Variants in ITGA1 observed in about 807,000 individuals in gnomAD.
ITGA1 encodes the protein integrin alpha-1.
ITGA1 carries 85 observed loss-of-function variants against 145.9 expected under a neutral mutation model. That is an observed-to-expected ratio of 0.58 (90% CI 0.49 to 0.70). ITGA1 has a LOEUF of 0.70. ITGA1 is among the 30% of genes least tolerant of loss of function. The pLI is 0.00. For synonymous variants in ITGA1, 520 were observed against 495.3 expected, an observed-to-expected ratio of 1.05 and a Z score of -0.66; for missense variants, 1,351 against 1,418.7, an observed-to-expected ratio of 0.95 and a Z score of 0.77.
chr5:52,905,863 G>A lies in ITGA1; in HGVS notation c.1410G>A (p.Met470Ile), dbSNP rs750484527. 1.2e-6 allele frequency: 2 copies of A among 1,613,402 alleles called. No homozygotes were observed. Among genetic ancestry groups the A allele is most frequent in the Admixed American group, 3.3e-5 (2 of 59,986 alleles). The change falls in exon 12 of 29, where the codon ATG (methionine) becomes ATA (isoleucine). Residue 470 changes from methionine (M) to isoleucine (I), a missense_variant. Met to Ile is a conservative substitution (Grantham distance 10). Transcript: ENST00000282588. ...NHTGQVIIYR[M>I]EDGNIKILQT... ...CAGGCCAGGTCATTATCTACAGGAT[G>A]GAAGATGGAAACATCAAAATTCTCC...
chr5:52,832,779 G>GTGTGTGTGTGTGTGTC (rs1749093308), intron 1 of ITGA1, among the ~76,000 whole-genome samples: 1 of 132,196 alleles, frequency 7.6e-6, no homozygotes, highest in African/African-American at 3.2e-5. Context: ...GTGTGTGTGT[G>GTGTGTGTGTGTGTGTC]TGTGTGTGTG....
At chr5:52,937,068 A>G (rs1263159733) in intron 23 of ITGA1, among the ~76,000 whole-genome samples, 1 of 151,894 alleles carries the variant, frequency 6.6e-6, no homozygotes, top group Non-Finnish European at 1.5e-5. Context: ...AAAAAGAAAG[A>G]AAAAGAAAAG....
In ITGA1 at chr5:52,909,044, A is replaced by G. The variant is rs1257975017; in HGVS notation, c.1599+3A>G. 1 of 1,608,394 alleles carries G rather than the reference A, an allele frequency of 6.2e-7. No homozygotes were observed. The highest frequency in any genetic ancestry group is 8.5e-7 in the Non-Finnish European group (1 of 1,178,378). On this transcript the variant is annotated splice_donor_region_variant and intron_variant, in intron 13 of 28. Transcript: ENST00000282588. The stretch of plus-strand genomic sequence containing the variant: ...TGTATGTGTATGCTCTCAATCAGGT[A>G]ATGGTGTCTGAGTTTGGTAGAAATC...
intron 15 of ITGA1, among the ~76,000 whole-genome samples, chr5:52,918,373 G>C (rs1750680193): frequency 6.6e-6 from 1 of 152,068 alleles, no homozygotes; most frequent in Non-Finnish European, 1.5e-5. Flanking sequence ...GGGGTCTACG[G>C]GCTGTTCAGG....
intron 15 of ITGA1, among the ~76,000 whole-genome samples, chr5:52,916,944 A>T (rs575173696): frequency 1.3e-5 from 2 of 152,282 alleles, no homozygotes; most frequent in South Asian, 2.1e-4. Context: ...CCTGCCCCAA[A>T]TCAAGGCATT....
intron 27 of ITGA1, among the ~76,000 whole-genome samples, chr5:52,946,987 C>T (rs1751144450): frequency 6.6e-6 from 1 of 152,160 alleles, no homozygotes; most frequent in Non-Finnish European, 1.5e-5. Flanking sequence ...TAAACTAATG[C>T]TATTGTGATA....
At chr5:52,870,693 T>C (rs1749764417) in intron 6 of ITGA1, among the ~76,000 whole-genome samples, 1 of 152,148 alleles carries the variant, frequency 6.6e-6, no homozygotes, top group Admixed American at 6.5e-5. Flanking sequence ...TTAGAATGCA[T>C]GTGTTTTCCC....
chr5:52,788,036 C>T lies in ITGA1; in HGVS notation c.-318C>T, dbSNP rs1030016729. The T allele has an allele frequency of 1.5e-5, 5 of 326,928 alleles. No individual in the cohort carries two copies. Among genetic ancestry groups the T allele is most frequent in the Non-Finnish European group, 2.2e-5 (4 of 179,150 alleles). 20.3% of individuals were successfully genotyped at this position (326,928 alleles called of 1,614,324 possible). A position where few individuals can be genotyped will look rare whatever the true frequency, so the allele number is the denominator to read the frequency against. On this transcript the variant is annotated 5_prime_UTR_variant, in exon 1 of 29. Transcript: ENST00000282588. ...CCGTGGACTTTAGCCTAAACACGGA[C>T]CCGCGAAGCTGGCTTTATTTGTCCA...
intron 2 of ITGA1, among the ~76,000 whole-genome samples, chr5:52,857,639 C>G (rs1160754862): frequency 6.6e-6 from 1 of 152,106 alleles, no homozygotes; most frequent in Admixed American, 6.6e-5. Flanking sequence ...TTCTTGCTCC[C>G]TTTCTGATTA....
chr5:52,934,084 G>A, intron 23 of ITGA1, 88 bp downstream of exon 23: 1 of 400,004 alleles, frequency 2.5e-6, no homozygotes, highest in Admixed American at 4.5e-5. Flanking sequence ...AAAATATGTT[G>A]CTTCAATGTT....
At position 52,937,061 on chromosome 5, in the gene ITGA1, AAG is replaced by A. The variant is rs1491570199; in HGVS notation, c.2965-338_2965-337del. 5.9e-3 allele frequency among the ~76,000 whole-genome samples: 730 copies of A among 122,974 alleles called. 8 individuals carry two copies. Among genetic ancestry groups the A allele is most frequent in the South Asian group, 0.041 (154 of 3,780 alleles). The allele number at this position is 122,974 out of a possible 152,430, so 80.7% of individuals were successfully genotyped here. A position where few individuals can be genotyped will look rare whatever the true frequency, so the allele number is the denominator to read the frequency against. ...AGACTGGTATGTTAAAAAAAAAAAA[AAG>A]AAAGAAAAAGAAAAGAATGAGCATG... On this transcript the variant is annotated intron_variant, in intron 23 of 28. Coordinates refer to ENST00000282588, the MANE Select transcript of ITGA1 (RefSeq NM_181501.2).
rs10471820 is a variant in ITGA1, at chr5:52,821,779, A to C, written c.62-27586A>C. Among the ~76,000 whole-genome samples, 1,021 of 152,230 alleles carry C rather than the reference A, an allele frequency of 6.7e-3. 12 individuals carry two copies. The highest frequency in any genetic ancestry group is 0.023 in the African/African-American group (971 of 41,546). On this transcript the variant is annotated intron_variant, in intron 1 of 28. Coordinates refer to ENST00000282588, the MANE Select transcript of ITGA1 (RefSeq NM_181501.2). The stretch of plus-strand genomic sequence containing the variant: ...TTTCTTACTTCATTCCACTGTAATC[A>C]TTTATTTAGTATAGAATTTATTAGG...
intron 11 of ITGA1, chr5:52,902,331 T>G (rs1291598163): frequency 6.6e-6 from 1 of 152,194 alleles, no homozygotes; most frequent in Non-Finnish European, 1.5e-5. Flanking sequence ...ACAGCTGGGA[T>G]TATGTTCCCC....
In ITGA1 at chr5:52,944,980, A is replaced by G. The variant is rs988574; in HGVS notation, c.3323A>G (p.Glu1108Gly). 0.035 allele frequency: 56,373 copies of G among 1,612,522 alleles called. 3,269 individuals are homozygous for G. The highest frequency in any genetic ancestry group is 0.23 in the African/African-American group (16,832 of 74,800). Reference protein sequence around the residue: ...FSSLNLTIRGELRSENASLVL... With the variant: ...FSSLNLTIRGGLRSENASLVL... The stretch of plus-strand genomic sequence containing the variant: ...AGCTTAAATCTTACTATAAGGGGAG[A>G]ACTTCGGAGTGAAAATGCATCTCTG... The change falls in exon 27 of 29, where the codon GAA (glutamate) becomes GGA (glycine). Residue 1108 changes from glutamate (E) to glycine (G), a missense_variant. Transcript: ENST00000282588.
At chr5:52,909,460 C>G (rs1345422323) in intron 13 of ITGA1, among the ~76,000 whole-genome samples, 1 of 152,064 alleles carries the variant, frequency 6.6e-6, no homozygotes, top group Non-Finnish European at 1.5e-5. Context: ...CCAGGAAATA[C>G]TTCACTGGGC....
In ITGA1 at chr5:52,920,438, A is replaced by G. The variant is rs1220826377; in HGVS notation, c.2262A>G (p.Ser754=). The G allele has an allele frequency of 3.7e-6, 6 of 1,609,674 alleles. No homozygotes were observed. The highest frequency in any genetic ancestry group is 4.2e-6 in the Non-Finnish European group (5 of 1,178,442). The change falls in exon 17 of 29, where the codon TCA becomes TCG. Residue 754 remains serine, a synonymous_variant. Transcript: ENST00000282588. ...KVQRNITVRK[S]ECTKHSFYML... The stretch of plus-strand genomic sequence containing the variant: ...AAAGGAACATCACAGTTCGAAAATC[A>G]GAATGCACTAAGCACTCCTTCTACA...
At chr5:52,898,518 C>A in intron 11 of ITGA1, 135 bp downstream of exon 11, 8 of 808,716 alleles carry the variant, frequency 9.9e-6, no homozygotes, top group Non-Finnish European at 1.5e-5. Flanking sequence ...TTTCCAGAAC[C>A]CATGCAAAGT....
In ITGA1 at chr5:52,845,196, G is replaced by A. The variant is rs373180748; in HGVS notation, c.62-4169G>A. The stretch of plus-strand genomic sequence containing the variant: ...TGTTGAGGAGGGGGTACCACAAATG[G>A]CTTTTGGAGAAAATGTATTAAAGAT... On this transcript the variant is annotated intron_variant, in intron 1 of 28. Transcript: ENST00000282588. Among the ~76,000 whole-genome samples the A allele has an allele frequency of 9.2e-5, 14 of 152,206 alleles. No homozygotes were observed. The South Asian group carries it at 2.5e-3, about 27-fold the overall frequency.
chr5:52,927,626 T>G lies in ITGA1; in HGVS notation c.2656T>G (p.Cys886Gly), dbSNP rs1750831512. Residue 886 changes from cysteine to glycine, a missense_variant, in exon 20 of 29, where the codon TGT (cysteine) becomes GGT (glycine). Physicochemically the swap from Cys to Gly is radical, Grantham distance 159. Transcript: ENST00000282588. ...TTGTGAATCTAATCATAATATCACATGTAAAGTTGGATATCCCTTCCTGAG... is the reference window on the plus strand; with the variant it reads ...TTGTGAATCTAATCATAATATCACAGGTAAAGTTGGATATCCCTTCCTGAG... ...DSCESNHNITCKVGYPFLRRG... is the reference protein window; with the variant it reads ...DSCESNHNITGKVGYPFLRRG... 1.5e-5 allele frequency: 24 copies of G among 1,611,784 alleles called. No homozygotes were observed. The highest frequency in any genetic ancestry group is 2.0e-5 in the Non-Finnish European group (24 of 1,178,256).
Sources: allele counts gnomAD v4.1 joint callset (sites outside exome capture counted in the v4.1 genomes callset), GRCh38; gene constraint gnomAD v4.1.1; transcripts MANE v1.5; gene names NCBI Gene and HGNC (gene_info 2026-07-23, HGNC 2026-07-21).